The following UBA1 variants were observed in gnomAD, a reference collection of about 807,000 sequenced individuals.
UBA1 encodes ubiquitin like modifier activating enzyme 1, also known as ubiquitin-like modifier-activating enzyme 1.
A neutral mutation model predicts 84.7 loss-of-function variants in UBA1; 4 were observed. The observed-to-expected ratio is 0.05, with a 90% CI of 0.02 to 0.11. UBA1 has a LOEUF of 0.11. Among genes scored for constraint, UBA1 ranks in the 10% least tolerant of loss-of-function variants. The pLI is 1.00. For missense variants in UBA1, 513 were observed against 902.8 expected (o/e 0.57, Z 5.53); for synonymous variants, 364 against 362.6 (o/e 1.00, Z -0.04).
At chrX:47,211,691 A>G (rs936313342) in intron 20 of UBA1, among the ~76,000 whole-genome samples, 1 of 96,175 alleles carries the variant, frequency 1.0e-5, no homozygotes, top group Non-Finnish European at 2.1e-5. Flanking sequence ...CCCCATCTGC[A>G]TATTTTTTCA....
chrX:47,199,489 C>T lies in UBA1; in HGVS notation c.355C>T (p.Arg119Trp), dbSNP rs781813468. The T allele has an allele frequency of 3.3e-6, 4 of 1,211,848 alleles. No homozygotes were observed. The highest frequency in any genetic ancestry group is 5.9e-5 in the East Asian group (2 of 33,845). ...CTGCACACCCTTACAGTTCTACCTG[C>T]GGGAGGAGGACATCGGTAAAAACCG... is the stretch of plus-strand genomic sequence containing the variant. Reference protein sequence around the residue: ...WADLSSQFYLREEDIGKNRAE... With the variant: ...WADLSSQFYLWEEDIGKNRAE... Residue 119 changes from arginine (R) to tryptophan (W), a missense_variant, in exon 5 of 26, where the codon CGG becomes TGG. Physicochemically the swap from Arg to Trp is moderately radical, Grantham distance 101. Around this residue, in one of 6 missense-constraint regions of UBA1, gnomAD observed 227 missense variants for 339.1 expected, o/e 0.67. Transcript: ENST00000335972.
intron 23 of UBA1, 106 bp from the exon 24 acceptor site, chrX:47,214,221 G>A: frequency 1.5e-6 from 1 of 680,596 alleles, no homozygotes; most frequent in East Asian, 3.2e-5. Context: ...AAAGAGGGTT[G>A]TGATCTGACT....
intron 20 of UBA1, among the ~76,000 whole-genome samples, chrX:47,211,940 C>T (rs1448600128): frequency 9.2e-6 from 1 of 108,593 alleles, no homozygotes; most frequent in Non-Finnish European, 1.9e-5. Flanking sequence ...TCCCACCTGC[C>T]TCGCCCTCTG....
intron 20 of UBA1, among the ~76,000 whole-genome samples, chrX:47,211,637 C>T (rs992982916): frequency 2.7e-5 from 3 of 110,187 alleles, no homozygotes; most frequent in African/African-American, 1.0e-4. Context: ...TGCATCTTCA[C>T]CCTCCATAGT....
intron 1 of UBA1, chrX:47,198,319 C>T (rs1011034465): frequency 4.6e-5 from 44 of 965,837 alleles, no homozygotes; most frequent in Non-Finnish European, 5.8e-5. Context: ...GTTCTATGCT[C>T]TGTGTTATTT....
At chrX:47,210,240 T>G in intron 18 of UBA1, 117 bp downstream of exon 18, 1 of 852,587 alleles carries the variant, frequency 1.2e-6, no homozygotes, top group Non-Finnish European at 1.7e-6. Context: ...GGCATGGGGA[T>G]CTGAGAAGAG....
At chrX:47,197,723 C>T in intron 1 of UBA1, 1 of 602,016 alleles carries the variant, frequency 1.7e-6, no homozygotes. Flanking sequence ...GGGTCAGGGT[C>T]ATGGAGGGGA....
At chrX:47,194,938 A>G (rs1166171968) in intron 1 of UBA1, among the ~76,000 whole-genome samples, 1 of 111,359 alleles carries the variant, frequency 9.0e-6, no homozygotes, top group Non-Finnish European at 1.9e-5. Flanking sequence ...TGGATACATA[A>G]TCCTCCATCA....
At chrX:47,205,196 A>G in intron 14 of UBA1, 1 of 209,283 alleles carries the variant, frequency 4.8e-6, no homozygotes, top group Non-Finnish European at 9.1e-6. Flanking sequence ...CAGGGAGCCA[A>G]CTCATTTTAC....
In UBA1 at chrX:47,211,110, C is replaced by A. The variant is rs1456751002; in HGVS notation, c.2349C>A (p.Asp783Glu). Residue 783 changes from aspartate to glutamate, a missense_variant, in exon 20 of 26, where the codon GAC becomes GAA. Asp to Glu is a conservative substitution (Grantham distance 45, BLOSUM62 2). Around this residue, in one of 6 missense-constraint regions of UBA1, gnomAD observed 151 missense variants for 260.1 expected, o/e 0.58. Coordinates refer to ENST00000335972, the MANE Select transcript of UBA1 (RefSeq NM_003334.4). ...AQTYGLTGSQ[D>E]RAAVATFLQS... ...CCTACGGGCTGACAGGCTCTCAGGACCGAGCTGCTGTGGCCACATTCCTGC... is the reference window on the plus strand; with the variant it reads ...CCTACGGGCTGACAGGCTCTCAGGAACGAGCTGCTGTGGCCACATTCCTGC... 6 of 1,211,783 alleles carry A rather than the reference C, an allele frequency of 5.0e-6. No individual in the cohort carries two copies. In the East Asian group the frequency reaches 1.8e-4, roughly 36 times the overall value.
At chrX:47,194,212 C>T (rs1293172948) in intron 1 of UBA1, among the ~76,000 whole-genome samples, 188 bp downstream of exon 1, 1 of 111,707 alleles carries the variant, frequency 9.0e-6, no homozygotes, top group Admixed American at 9.4e-5. Context: ...CTCCGGCTCC[C>T]TCTGGTTGCA....
At chrX:47,199,733 G>A in intron 5 of UBA1, 119 bp downstream of exon 5, 1 of 899,376 alleles carries the variant, frequency 1.1e-6, no homozygotes, top group East Asian at 3.1e-5. Flanking sequence ...TTTGTGCTGG[G>A]GGACTAGAGT....
chrX:47,195,119 C>G (rs1036685115), intron 1 of UBA1, among the ~76,000 whole-genome samples: 1 of 111,943 alleles, frequency 8.9e-6, no homozygotes, highest in African/African-American at 3.3e-5. Flanking sequence ...GCCTCAGAAT[C>G]TGCCCTCAGA....
At position 47,202,234 on chromosome X, in the gene UBA1, T is replaced by C. The variant is rs1556788383; in HGVS notation, c.890T>C (p.Val297Ala). 2.5e-6 allele frequency: 3 copies of C among 1,209,742 alleles called. No individual in the cohort carries two copies. The South Asian group carries it at 5.3e-5, about 21-fold the overall frequency. Reference sequence around the variant, plus strand: ...GGAGGCATCGTCAGTCAGGTCAAAGTACCTAAGAAGATTAGCTTTGTGAGT... The same window carrying C: ...GGAGGCATCGTCAGTCAGGTCAAAGCACCTAAGAAGATTAGCTTTGTGAGT... ...IRGGIVSQVK[V>A]PKKISFKSLV... is the part of the protein sequence containing the mutation. Residue 297 changes from valine to alanine, a missense_variant, in exon 9 of 26, where the codon GTA becomes GCA. Val to Ala is a moderately conservative substitution (Grantham distance 64). Around this residue, in one of 6 missense-constraint regions of UBA1, gnomAD observed 227 missense variants for 339.1 expected, o/e 0.67. Coordinates refer to ENST00000335972, the MANE Select transcript of UBA1 (RefSeq NM_003334.4).
intron 1 of UBA1, chrX:47,198,075 T>A (rs1602623088): frequency 1.1e-6 from 1 of 902,960 alleles, no homozygotes; most frequent in East Asian, 7.9e-5. Flanking sequence ...TTGCAACCTC[T>A]TTTATTGGTC....
At chrX:47,211,864 T>C (rs1334131482) in intron 20 of UBA1, among the ~76,000 whole-genome samples, 2 of 109,918 alleles carry the variant, frequency 1.8e-5, no homozygotes, top group Non-Finnish European at 3.8e-5. Flanking sequence ...TGTTCCTTTA[T>C]GTATGTCTTC....
intron 15 of UBA1, 48 bp downstream of exon 15, chrX:47,206,161 T>C (rs371131352): frequency 3.4e-5 from 40 of 1,180,649 alleles, no homozygotes; most frequent in Non-Finnish European, 4.1e-5. Context: ...TTGTGTGTGT[T>C]TCGGTGTGTA....
intron 17 of UBA1, 54 bp downstream of exon 17, chrX:47,209,741 C>A: frequency 8.6e-7 from 1 of 1,161,392 alleles, no homozygotes; most frequent in Non-Finnish European, 1.2e-6. Flanking sequence ...CCAAGGCATC[C>A]CGGCTGCTTT....
intron 20 of UBA1, 140 bp downstream of exon 20, chrX:47,211,365 C>T: frequency 2.8e-6 from 2 of 702,453 alleles, no homozygotes; most frequent in Non-Finnish European, 2.2e-6. Context: ...TCCTTTGAGC[C>T]TCCCTTTGAC....
Sources: gnomAD v4.1 joint callset for allele counts (sites outside exome capture counted in the v4.1 genomes callset) on GRCh38, gnomAD v4.1.1 for gene constraint, gnomAD v4.1.1 regional missense constraint, MANE v1.5 for transcripts, NCBI Gene and HGNC (gene_info 2026-07-23, HGNC 2026-07-21) for gene names.